The following CHCHD6 variants were observed in gnomAD, a reference collection of about 807,000 sequenced individuals.
CHCHD6 encodes the protein coiled-coil-helix-coiled-coil-helix domain containing 6.
CHCHD6 carries 28 observed loss-of-function variants against 32.3 expected under a neutral mutation model. That is an observed-to-expected ratio of 0.87 (90% CI 0.64 to 1.19). The LOEUF (loss-of-function observed/expected upper bound fraction) is 1.19, where lower values mean the gene tolerates loss of function less well. Among genes scored for constraint, CHCHD6 ranks in the 50% most tolerant of loss-of-function variants. The probability of loss-of-function intolerance (pLI) is 0.00; values close to 1 mark genes in which losing one functional copy is unlikely to be tolerated. For missense variants in CHCHD6, 333 were observed against 307.0 expected, an observed-to-expected ratio of 1.08 and a Z score of -0.63; for synonymous variants, 122 against 117.5, an observed-to-expected ratio of 1.04 and a Z score of -0.25.
intron 4 of CHCHD6, chr3:126,767,557 G>T: frequency 7.2e-6 from 3 of 417,478 alleles, no homozygotes; most frequent in Admixed American, 3.9e-5. Context: ...TGTGTTGTTA[G>T]CTTACCCAAA....
chr3:126,954,346 C>A (rs529889686), intron 6 of CHCHD6, among the ~76,000 whole-genome samples: 22 of 152,186 alleles, frequency 1.4e-4, no homozygotes, highest in Non-Finnish European at 2.8e-4. Flanking sequence ...CACAGCCAGG[C>A]TGACCATGGG....
At chr3:126,707,551 C>T (rs537986741) in intron 1 of CHCHD6, among the ~76,000 whole-genome samples, 4 of 152,316 alleles carry the variant, frequency 2.6e-5, no homozygotes, top group African/African-American at 7.2e-5. Flanking sequence ...CCACATGAGC[C>T]GCCCTTTTTG....
intron 5 of CHCHD6, among the ~76,000 whole-genome samples, chr3:126,866,819 A>T (rs1271663486): frequency 6.6e-6 from 1 of 152,104 alleles, no homozygotes; most frequent in Non-Finnish European, 1.5e-5. Context: ...GTTTCCCCCT[A>T]CGTACTTCAA....
chr3:126,868,204 C>T (rs937109866), intron 5 of CHCHD6, among the ~76,000 whole-genome samples: 1 of 152,234 alleles, frequency 6.6e-6, no homozygotes, highest in African/African-American at 2.4e-5. Flanking sequence ...CTGGTCAACA[C>T]CTGACAAACA....
At chr3:126,947,606 C>T (rs73209656) in intron 6 of CHCHD6, among the ~76,000 whole-genome samples, 3 of 152,172 alleles carry the variant, frequency 2.0e-5, no homozygotes, top group African/African-American at 4.8e-5. Flanking sequence ...TTACCAACCC[C>T]GTCTGCAGAA....
intron 1 of CHCHD6, among the ~76,000 whole-genome samples, chr3:126,721,823 G>C (rs1476076931): frequency 6.7e-6 from 1 of 148,988 alleles, no homozygotes; most frequent in Non-Finnish European, 1.5e-5. Flanking sequence ...CTAGAGATTT[G>C]CCTGTTGTGG....
intron 4 of CHCHD6, among the ~76,000 whole-genome samples, chr3:126,768,617 C>G: frequency 6.6e-6 from 1 of 152,110 alleles, no homozygotes; most frequent in East Asian, 1.9e-4. Flanking sequence ...AATGATAGTT[C>G]AATTTTAAGT....
At position 126,798,513 on chromosome 3, in the gene CHCHD6, G is replaced by A. The variant is rs141975083; in HGVS notation, c.412-54134G>A. Among the ~76,000 whole-genome samples, 500 of 152,216 alleles carry A rather than the reference G, an allele frequency of 3.3e-3. 1 individual carries two copies. The highest frequency in any genetic ancestry group is 7.7e-3 in the East Asian group (40 of 5,174). On this transcript the variant is annotated intron_variant, in intron 4 of 7. Coordinates refer to ENST00000290913, the MANE Select transcript of CHCHD6 (RefSeq NM_032343.3). Reference sequence around the variant, plus strand: ...CAGTGGATACGGTTTTCTTTTCCCCGCTGTTTTTCCTTTGTGGCAGGCCTA... The same window carrying A: ...CAGTGGATACGGTTTTCTTTTCCCCACTGTTTTTCCTTTGTGGCAGGCCTA...
At chr3:126,814,927 C>G (rs545320555) in intron 4 of CHCHD6, among the ~76,000 whole-genome samples, 2 of 152,272 alleles carry the variant, frequency 1.3e-5, no homozygotes, top group African/African-American at 2.4e-5. Flanking sequence ...GGATCTGACT[C>G]CATTTCCAGG....
chr3:126,957,895 G>T (rs1395660295), intron 7 of CHCHD6: 1 of 399,390 alleles, frequency 2.5e-6, no homozygotes, highest in Non-Finnish European at 4.8e-6. Context: ...GGCACTTAGG[G>T]GTGGGAGGGT....
At chr3:126,802,393 A>G (rs1421062640) in intron 4 of CHCHD6, among the ~76,000 whole-genome samples, 4 of 152,226 alleles carry the variant, frequency 2.6e-5, no homozygotes, top group African/African-American at 9.6e-5. Flanking sequence ...CTGAAAGCCA[A>G]TGCTTGAGAA....
chr3:126,756,094 C>T (rs1936946915), intron 4 of CHCHD6, among the ~76,000 whole-genome samples: 1 of 152,038 alleles, frequency 6.6e-6, no homozygotes, highest in Non-Finnish European at 1.5e-5. Flanking sequence ...GGTACTGGTG[C>T]TAGAGAGCCT....
At chr3:126,800,550 TG>T (rs1455792068) in intron 4 of CHCHD6, among the ~76,000 whole-genome samples, 1 of 152,188 alleles carries the variant, frequency 6.6e-6, no homozygotes, top group African/African-American at 2.4e-5. Flanking sequence ...TTGAAGTCTG[TG>T]TGAGACACAG....
At position 126,896,657 on chromosome 3, in the gene CHCHD6, C is replaced by G. The variant is rs536031295; in HGVS notation, c.496-18023C>G. On this transcript the variant is annotated intron_variant, in intron 5 of 7. Coordinates refer to ENST00000290913, the MANE Select transcript of CHCHD6 (RefSeq NM_032343.3). ...GCTCTTCTTCTCATACCTGATCAACCCGGCTGTAGATCTGCTGCCCTGTGA... is the reference window on the plus strand; with the variant it reads ...GCTCTTCTTCTCATACCTGATCAACGCGGCTGTAGATCTGCTGCCCTGTGA... 1.8e-4 allele frequency among the ~76,000 whole-genome samples: 28 copies of G among 152,348 alleles called. 1 individual carries two copies. The South Asian group carries it at 3.3e-3, about 18-fold the overall frequency.
chr3:126,919,835 A>T (rs2078221475), intron 6 of CHCHD6, among the ~76,000 whole-genome samples: 1 of 146,970 alleles, frequency 6.8e-6, no homozygotes. Flanking sequence ...TGTTTTTAAG[A>T]TTTTCTGTCT....
chr3:126,918,826 A>G (rs1307723873), intron 6 of CHCHD6, among the ~76,000 whole-genome samples: 1 of 152,208 alleles, frequency 6.6e-6, no homozygotes, highest in Non-Finnish European at 1.5e-5. Flanking sequence ...TCAAAGCTTT[A>G]TTTATCTTCT....
At chr3:126,718,964 T>C (rs1440483563) in intron 1 of CHCHD6, among the ~76,000 whole-genome samples, 6 of 152,240 alleles carry the variant, frequency 3.9e-5, no homozygotes, top group Admixed American at 3.9e-4. Flanking sequence ...ATCTTGCCAA[T>C]GTTTTCATTA....
At chr3:126,894,737 T>C (rs1310884137) in intron 5 of CHCHD6, among the ~76,000 whole-genome samples, 1 of 151,476 alleles carries the variant, frequency 6.6e-6, no homozygotes, top group Admixed American at 6.6e-5. Context: ...ATAAAGGAGG[T>C]CTGGAGGGAT....
Position 126,704,294 on chromosome 3 carries a change from G to T in CHCHD6, c.-19G>T, listed in dbSNP as rs370664603. On this transcript the variant is annotated 5_prime_UTR_variant, in exon 1 of 8. Transcript: ENST00000290913. ...CCGGGTCTCGGGTCTGGTGGCTGCC[G>T]GCCCTGCGGCATCTCGCCATGGGGA... The T allele has an allele frequency of 3.7e-5, 59 of 1,597,620 alleles. No individual in the cohort carries two copies. The African/African-American group carries it at 6.3e-4, about 17-fold the overall frequency.
Sources: gnomAD v4.1 joint callset for allele counts (sites outside exome capture counted in the v4.1 genomes callset) on GRCh38, gnomAD v4.1.1 for gene constraint, MANE v1.5 for transcripts, NCBI Gene and HGNC (gene_info 2026-07-23, HGNC 2026-07-21) for gene names.